The following HNF4G variants were observed in gnomAD, a reference collection of about 807,000 sequenced individuals.
The protein encoded by HNF4G is hepatocyte nuclear factor 4-gamma.
A neutral mutation model predicts 50.9 loss-of-function variants in HNF4G; 21 were observed. That is an observed-to-expected ratio of 0.41 (90% CI 0.29 to 0.59). The LOEUF (loss-of-function observed/expected upper bound fraction) is 0.59. Among genes scored for constraint, HNF4G ranks in the 20% least tolerant of loss-of-function variants. The probability of loss-of-function intolerance (pLI) is 0.26; values close to 1 mark genes in which losing one functional copy is unlikely to be tolerated. For missense variants in HNF4G, 527 were observed against 559.4 expected (o/e 0.94, Z 0.58); for synonymous variants, 198 against 185.6 (o/e 1.07, Z -0.54).
chr8:75,471,670 G>A (rs1812117663), intron 1 of HNF4G, among the ~76,000 whole-genome samples: 1 of 152,138 alleles, frequency 6.6e-6, no homozygotes, highest in Non-Finnish European at 1.5e-5. Context: ...GATGGAAAGA[G>A]CATAGAATAT....
At position 75,426,716 on chromosome 8, in the gene HNF4G, T is replaced by C. The variant is rs79421493; in HGVS notation, c.-144+18554T>C. On this transcript the variant is annotated intron_variant, in intron 1 of 10. Coordinates refer to the HNF4G transcript ENST00000354370. The stretch of plus-strand genomic sequence containing the variant: ...AAGAGAAGGTGGGAAGAGGTAATGA[T>C]TGGCAATTCTTATTTATTGGAGGAT... 3.5e-3 allele frequency among the ~76,000 whole-genome samples: 529 copies of C among 151,046 alleles called. 5 individuals carry two copies. Among genetic ancestry groups the C allele is most frequent in the African/African-American group, 0.012 (483 of 41,464 alleles).
intron 1 of HNF4G, among the ~76,000 whole-genome samples, chr8:75,454,744 C>A (rs147315588): frequency 6.6e-6 from 1 of 152,170 alleles, no homozygotes; most frequent in African/African-American, 2.4e-5. Flanking sequence ...CTTCATTTCT[C>A]TTCATTAAGC....
At chr8:75,532,800 G>A (rs1806363114) in intron 2 of HNF4G, among the ~76,000 whole-genome samples, 1 of 152,040 alleles carries the variant, frequency 6.6e-6, no homozygotes, top group Non-Finnish European at 1.5e-5. Flanking sequence ...TCAAGAGTCA[G>A]ACAGTATCAG....
At chr8:75,469,781 C>A (rs2130629141) in intron 1 of HNF4G, among the ~76,000 whole-genome samples, 1 of 152,232 alleles carries the variant, frequency 6.6e-6, no homozygotes, top group African/African-American at 2.4e-5. Context: ...CATCCTTATA[C>A]CCAATCTGTG....
rs78857248 is a variant in HNF4G at position 75,472,275 on chromosome 8, T to A, written c.-143-17814T>A. On this transcript the variant is annotated intron_variant, in intron 1 of 10. Transcript: ENST00000354370. ...GAAAGTATTTAGCTTAGAAATTCTT[T>A]TTTCTAAAGAAAATTGTAATTTTCA... Among the ~76,000 whole-genome samples, 1,300 of 152,302 alleles carry A rather than the reference T, an allele frequency of 8.5e-3. 58 individuals are homozygous for A. The East Asian group carries it at 0.15, about 18-fold the overall frequency.
intron 1 of HNF4G, among the ~76,000 whole-genome samples, chr8:75,446,968 C>T (rs1398194863): frequency 8.3e-5 from 12 of 144,218 alleles, no homozygotes; most frequent in East Asian, 6.3e-4. Context: ...GAGCCCGCAT[C>T]GCCAAGCCAA....
chr8:75,501,037 ATATAAT>A (rs1210572829), intron 2 of HNF4G, among the ~76,000 whole-genome samples: 1 of 152,006 alleles, frequency 6.6e-6, no homozygotes, highest in Admixed American at 6.6e-5. Flanking sequence ...AGTTTATCAT[ATATAAT>A]TATATTAGAA....
intron 1 of HNF4G, among the ~76,000 whole-genome samples, chr8:75,433,403 G>A (rs1811059752): frequency 7.6e-6 from 1 of 131,064 alleles, no homozygotes. Flanking sequence ...GTCAGACCCT[G>A]TCTCAGAACA....
intron 2 of HNF4G, among the ~76,000 whole-genome samples, chr8:75,510,347 G>T (rs541343200): frequency 6.6e-6 from 1 of 152,050 alleles, no homozygotes; most frequent in South Asian, 2.1e-4. Context: ...GTAAGTTAAG[G>T]TTAATTTATT....
In HNF4G at chr8:75,566,213, C is replaced by G. The variant is rs1807458724; in HGVS notation, c.*2117C>G. The G allele has an allele frequency of 1.3e-5, 2 of 152,162 alleles. No individual in the cohort carries two copies. Among genetic ancestry groups the G allele is most frequent in the East Asian group, 3.9e-4 (2 of 5,172 alleles). 9.4% of individuals were successfully genotyped at this position (152,162 alleles called of 1,614,324 possible). A position where few individuals can be genotyped will look rare whatever the true frequency, so the allele number is the denominator to read the frequency against. ...ATACATGGCATTTTCTAGCTGTGTCCTTATACATAAAAGGAAAAAGGTAGC... is the reference window on the plus strand; with the variant it reads ...ATACATGGCATTTTCTAGCTGTGTCGTTATACATAAAAGGAAAAAGGTAGC... On this transcript the variant is annotated 3_prime_UTR_variant, in exon 10 of 10. Transcript: ENST00000396423.
At chr8:75,517,791 C>T (rs1805932608) in intron 2 of HNF4G, among the ~76,000 whole-genome samples, 1 of 152,064 alleles carries the variant, frequency 6.6e-6, no homozygotes, top group Non-Finnish European at 1.5e-5. Context: ...CGGTGGCCCT[C>T]TTCTTACAGC....
intron 8 of HNF4G, among the ~76,000 whole-genome samples, chr8:75,560,079 C>T (rs747076122): frequency 6.6e-6 from 1 of 152,088 alleles, no homozygotes; most frequent in Non-Finnish European, 1.5e-5. Context: ...CAACAGGCAG[C>T]GAACCTAATG....
chr8:75,554,808 G>A (rs571673188), intron 5 of HNF4G, among the ~76,000 whole-genome samples: 10 of 152,306 alleles, frequency 6.6e-5, no homozygotes, highest in African/African-American at 2.4e-4. Flanking sequence ...AAATGGAATA[G>A]GATGAGTTGT....
At position 75,488,196 on chromosome 8, in the gene HNF4G, A is replaced by G. The variant is rs190089758; in HGVS notation, c.-143-1893A>G. ...TCTTTGGACTCCAGAAACAAGGGCC[A>G]CTTATTAGGGAGTTTAGAAATCACT... On this transcript the variant is annotated intron_variant, in intron 1 of 10. Coordinates refer to the HNF4G transcript ENST00000354370. Among the ~76,000 whole-genome samples the G allele has an allele frequency of 7.9e-4, 120 of 152,284 alleles. No individual in the cohort carries two copies. In the East Asian group the frequency reaches 0.023, roughly 29 times the overall value.
chr8:75,459,072 AT>A lies in HNF4G; in HGVS notation c.-143-31015del, dbSNP rs143734837. On this transcript the variant is annotated intron_variant, in intron 1 of 10. Coordinates refer to the HNF4G transcript ENST00000354370. The stretch of plus-strand genomic sequence containing the variant: ...TTTTTTATTTGCTTACAGTGACTAC[AT>A]TCATTCAACAAATGTCTGTCTATCT... Among the ~76,000 whole-genome samples, 208 of 152,262 alleles carry A rather than the reference AT, an allele frequency of 1.4e-3. 1 individual carries two copies. The highest frequency in any genetic ancestry group is 4.4e-3 in the African/African-American group (181 of 41,550).
chr8:75,475,077 C>T (rs1487310518), intron 1 of HNF4G, among the ~76,000 whole-genome samples: 2 of 150,278 alleles, frequency 1.3e-5, no homozygotes, highest in Admixed American at 6.6e-5. Context: ...GGTGTGATCT[C>T]GGCTCAGTGC....
intron 1 of HNF4G, among the ~76,000 whole-genome samples, chr8:75,448,821 A>G (rs1811498484): frequency 6.6e-6 from 1 of 152,152 alleles, no homozygotes; most frequent in South Asian, 2.1e-4. Context: ...TTAAACATTT[A>G]AAAAATACAT....
At chr8:75,457,436 C>T (rs915374542) in intron 1 of HNF4G, among the ~76,000 whole-genome samples, 1 of 152,126 alleles carries the variant, frequency 6.6e-6, no homozygotes, top group African/African-American at 2.4e-5. Context: ...CCTCTATACA[C>T]CTCTGAGATA....
At chr8:75,504,999 AGAAAC>A (rs1312835920) in intron 2 of HNF4G, among the ~76,000 whole-genome samples, 2 of 152,176 alleles carry the variant, frequency 1.3e-5, no homozygotes, top group African/African-American at 4.8e-5. Context: ...AGGTGATTAT[AGAAAC>A]TTCTACCAGA....
Sources: allele counts gnomAD v4.1 joint callset (sites outside exome capture counted in the v4.1 genomes callset), GRCh38; gene constraint gnomAD v4.1.1; transcripts MANE v1.5; gene names NCBI Gene and HGNC (gene_info 2026-07-23, HGNC 2026-07-21).